The following FRMD4B variants were observed in gnomAD, a reference collection of about 807,000 sequenced individuals.
FRMD4B encodes FERM domain containing 4B, also known as FERM domain-containing protein 4B.
FRMD4B carries 74 observed loss-of-function variants against 141.5 expected under a neutral mutation model. The ratio of observed to expected loss-of-function variants is 0.52; its 90% CI spans 0.43 to 0.63. The LOEUF (loss-of-function observed/expected upper bound fraction) is 0.63, where lower values mean the gene tolerates loss of function less well. Among genes scored for constraint, FRMD4B ranks in the 30% least tolerant of loss-of-function variants. The pLI is 0.00. For synonymous variants in FRMD4B, 506 were observed against 467.9 expected, an observed-to-expected ratio of 1.08 and a Z score of -1.05; for missense variants, 1,366 against 1,253.4, an observed-to-expected ratio of 1.09 and a Z score of -1.36.
At chr3:69,260,381 C>A (rs1004387983) in intron 5 of FRMD4B, among the ~76,000 whole-genome samples, 1 of 152,222 alleles carries the variant, frequency 6.6e-6, no homozygotes, top group Admixed American at 6.5e-5. Flanking sequence ...GGCTGGTCGT[C>A]GCCGCCAGCC....
intron 1 of FRMD4B, among the ~76,000 whole-genome samples, chr3:69,345,806 G>A (rs558942407): frequency 1.3e-5 from 2 of 152,216 alleles, no homozygotes; most frequent in South Asian, 4.2e-4. Context: ...AAACAGAAAG[G>A]ACATCCACAC....
At chr3:69,495,364 T>C (rs1559545089) in intron 1 of FRMD4B, among the ~76,000 whole-genome samples, 1 of 152,212 alleles carries the variant, frequency 6.6e-6, no homozygotes, top group African/African-American at 2.4e-5. Flanking sequence ...AACAGAAAGA[T>C]AATCCAAACC....
At position 69,171,783 on chromosome 3, in the gene FRMD4B, C is replaced by G; in HGVS notation, c.*78G>C. On this transcript the variant is annotated 3_prime_UTR_variant, in exon 23 of 23. Transcript: ENST00000398540. The stretch of plus-strand genomic sequence containing the variant: ...GTCTTTAGGTTTCTAAAACGAACAT[C>G]CTCTCGGAAGACAAATACAATTTGC... 1 of 1,444,468 alleles carries G rather than the reference C, an allele frequency of 6.9e-7. No homozygotes were observed. Among genetic ancestry groups the G allele is most frequent in the East Asian group, 2.3e-5 (1 of 43,620 alleles). The allele number at this position is 1,444,468 out of a possible 1,614,324, so 89.5% of individuals were successfully genotyped here.
At chr3:69,481,817 C>T (rs533358544) in intron 1 of FRMD4B, among the ~76,000 whole-genome samples, 2 of 152,286 alleles carry the variant, frequency 1.3e-5, no homozygotes, top group East Asian at 3.9e-4. Context: ...CAGATACTCA[C>T]CTCTGGATAA....
intron 5 of FRMD4B, 46 bp from the exon 6 acceptor site, chr3:69,250,145 G>C: frequency 1.5e-6 from 2 of 1,320,950 alleles, no homozygotes; most frequent in Non-Finnish European, 2.2e-6. Flanking sequence ...GGCTGTCCTA[G>C]ATTGTAGCAA....
chr3:69,317,092 C>A (rs942151952), intron 1 of FRMD4B, among the ~76,000 whole-genome samples: 1 of 150,640 alleles, frequency 6.6e-6, no homozygotes, highest in Non-Finnish European at 1.5e-5. Flanking sequence ...AAAAAAAAAT[C>A]ATCTTTTTTT....
chr3:69,197,829 C>G (rs2092924310), intron 12 of FRMD4B: 1 of 152,290 alleles, frequency 6.6e-6, no homozygotes, highest in Non-Finnish European at 1.5e-5. Flanking sequence ...AAAGTACCCA[C>G]TAAGGACTGA....
chr3:69,169,584 T>C lies in FRMD4B; in HGVS notation c.*2277A>G, dbSNP rs982686044. Among the ~76,000 whole-genome samples, 2 of 152,080 alleles carry C rather than the reference T, an allele frequency of 1.3e-5. No homozygotes were observed. The highest frequency in any genetic ancestry group is 4.8e-5 in the African/African-American group (2 of 41,402). On this transcript the variant is annotated 3_prime_UTR_variant, in exon 23 of 23. Transcript: ENST00000398540. ...GTTGTCCAGGCTGGTCTTGAACTCC[T>C]GAGCTCAAGCAATCCTCCCACTTCG... is the stretch of plus-strand genomic sequence containing the variant.
At chr3:69,226,370 T>C (rs1303788089) in intron 7 of FRMD4B, among the ~76,000 whole-genome samples, 1 of 152,070 alleles carries the variant, frequency 6.6e-6, no homozygotes, top group African/African-American at 2.4e-5. Flanking sequence ...CAACTCCCAG[T>C]ATATTTATTT....
At chr3:69,388,883 G>C (rs1163505751), upstream of FRMD4B, among the ~76,000 whole-genome samples, 1 of 152,136 alleles carries the variant, frequency 6.6e-6, no homozygotes, top group Admixed American at 6.6e-5. Flanking sequence ...GTGCAGTGTT[G>C]TTATATGGAT....
At chr3:69,494,808 C>T (rs558794243) in intron 1 of FRMD4B, among the ~76,000 whole-genome samples, 20 of 152,150 alleles carry the variant, frequency 1.3e-4, no homozygotes, top group Admixed American at 4.6e-4. Flanking sequence ...AGGAGAATTG[C>T]TTGAACCCGG....
chr3:69,257,357 T>C (rs879347011), intron 5 of FRMD4B, among the ~76,000 whole-genome samples: 2 of 152,172 alleles, frequency 1.3e-5, no homozygotes, highest in Admixed American at 6.6e-5. Context: ...TGATATCCCA[T>C]TGGGAGGACC....
At chr3:69,329,087 C>T (rs1323906897) in intron 1 of FRMD4B, among the ~76,000 whole-genome samples, 2 of 152,156 alleles carry the variant, frequency 1.3e-5, no homozygotes, top group African/African-American at 4.8e-5. Flanking sequence ...AGCTGAGAAA[C>T]ATTTACCAGC....
chr3:69,455,565 C>CGGT (rs1705587436), intron 1 of FRMD4B, among the ~76,000 whole-genome samples: 2 of 152,250 alleles, frequency 1.3e-5, no homozygotes, highest in Admixed American at 6.5e-5. Context: ...ACGAACACGT[C>CGGT]CGACGGAACA....
At chr3:69,387,580 A>T (rs953132523), upstream of FRMD4B, among the ~76,000 whole-genome samples, 2 of 152,182 alleles carry the variant, frequency 1.3e-5, no homozygotes, top group Admixed American at 6.5e-5. Flanking sequence ...CACCAAAAGG[A>T]AAGGTAAGGC....
intron 1 of FRMD4B, among the ~76,000 whole-genome samples, chr3:69,314,227 T>TAA (rs59090061): frequency 0.13 from 14,603 of 109,120 alleles, 1,216 homozygotes; most frequent in African/African-American, 0.18. Flanking sequence ...AATGTTTTAT[T>TAA]AAAAAAAAAA....
At chr3:69,419,005 A>G (rs1391877638) in intron 2 of FRMD4B, among the ~76,000 whole-genome samples, 1 of 152,214 alleles carries the variant, frequency 6.6e-6, no homozygotes, top group East Asian at 1.9e-4. Context: ...AGATAACCAA[A>G]ATGAAGAGAA....
intron 1 of FRMD4B, among the ~76,000 whole-genome samples, chr3:69,538,527 A>T (rs1431773682): frequency 6.6e-6 from 1 of 152,178 alleles, no homozygotes; most frequent in Non-Finnish European, 1.5e-5. Context: ...ACATATGATG[A>T]TGCTGACACT....
In FRMD4B at chr3:69,229,018, T is replaced by TC. The variant is rs1006847143; in HGVS notation, c.582-4329_582-4328insG. 4.1e-5 allele frequency among the ~76,000 whole-genome samples: 6 copies of TC among 147,504 alleles called. No homozygotes were observed. The Admixed American group carries it at 4.1e-4, about 10-fold the overall frequency. On this transcript the variant is annotated intron_variant, in intron 7 of 22. Coordinates refer to ENST00000398540, the MANE Select transcript of FRMD4B (RefSeq NM_015123.3). ...CTTGACTATCCCTCAAAATCATGTT[T>TC]TTTTTTTTTTTTTTGTTTTGTTTTT...
Sources: gnomAD v4.1 joint callset for allele counts (sites outside exome capture counted in the v4.1 genomes callset) on GRCh38, gnomAD v4.1.1 for gene constraint, MANE v1.5 for transcripts, NCBI Gene and HGNC (gene_info 2026-07-23, HGNC 2026-07-21) for gene names.